Variants in NOL7 observed in about 807,000 individuals in gnomAD.
NOL7 encodes the protein U3 small nucleolar RNA-associated protein NOL7.
Under a neutral mutation model 38.4 loss-of-function variants are expected in NOL7, and 36 were observed. The ratio of observed to expected loss-of-function variants is 0.94; its 90% CI spans 0.72 to 1.24. NOL7 has a LOEUF of 1.24. Ranked by LOEUF, NOL7 falls within the 50% of genes most tolerant of loss-of-function variation. The pLI, the probability that NOL7 is intolerant of heterozygous loss-of-function variation, is 0.00. For missense variants in NOL7, 350 were observed against 315.1 expected, an observed-to-expected ratio of 1.11 and a Z score of -0.84; for synonymous variants, 142 against 126.5, an observed-to-expected ratio of 1.12 and a Z score of -0.82.
downstream of NOL7, among the ~76,000 whole-genome samples, chr6:13,626,423 C>CT (rs560646756): frequency 2.3e-4 from 35 of 152,214 alleles, 1 homozygote; most frequent in Non-Finnish European, 4.1e-4. Flanking sequence ...AGCTCCACCA[C>CT]TAACTGGCTG....
At chr6:13,632,142 T>G in intron 8 of NOL7, among the ~76,000 whole-genome samples, 2 of 77,648 alleles carry the variant, frequency 2.6e-5, no homozygotes, top group African/African-American at 1.3e-4. Context: ...TTTTTTTTTT[T>G]TTTTTTTTTT....
At chr6:13,627,224 C>T (rs1308841942) in intron 8 of NOL7, among the ~76,000 whole-genome samples, 2 of 152,150 alleles carry the variant, frequency 1.3e-5, no homozygotes, top group East Asian at 1.9e-4. Context: ...TTTTATGCAT[C>T]CCACAAAGCT....
At position 13,630,759 on chromosome 6, in the gene NOL7, A is replaced by G. The variant is rs570071814; in HGVS notation, n.574-1634A>G. 3.9e-5 allele frequency among the ~76,000 whole-genome samples: 6 copies of G among 152,306 alleles called. No individual in the cohort carries two copies. The South Asian group carries it at 1.2e-3, about 32-fold the overall frequency. On this transcript the variant is annotated intron_variant and non_coding_transcript_variant, in intron 8 of 8. Transcript: ENST00000474485. ...ACAGACTAAAGGCAGTCTGGTCTGT[A>G]TGCGAATACAGCTCACCTATTAAAC...
intron 5 of NOL7, among the ~76,000 whole-genome samples, chr6:13,618,663 G>T (rs187785698): frequency 1.5e-3 from 230 of 152,302 alleles, no homozygotes; most frequent in Non-Finnish European, 2.4e-3. Context: ...GCTGAAGCAG[G>T]TGGATTGCTT....
chr6:13,619,325 T>TG (rs1368736208), intron 5 of NOL7, among the ~76,000 whole-genome samples: 3 of 152,274 alleles, frequency 2.0e-5, no homozygotes, highest in Non-Finnish European at 2.9e-5. Flanking sequence ...AAGTGCCTAT[T>TG]GCTGTTACTG....
In NOL7 at chr6:13,618,038, A is replaced by C. The variant is rs752808210; in HGVS notation, c.419-20A>C. 7 of 1,344,146 alleles carry C rather than the reference A, an allele frequency of 5.2e-6. No homozygotes were observed. In the South Asian group the frequency reaches 7.3e-5, roughly 14 times the overall value. 83.3% of individuals were successfully genotyped at this position (1,344,146 alleles called of 1,614,324 possible). A position where few individuals can be genotyped will look rare whatever the true frequency, so the allele number is the denominator to read the frequency against. On this transcript the variant is annotated intron_variant, in intron 4 of 7. Transcript: ENST00000451315. Reference sequence around the variant, plus strand: ...ATTTTTACGTGAATGCTAATTAGAAAATGTAACTCTATTTTTTAGTTAATT... The same window carrying C: ...ATTTTTACGTGAATGCTAATTAGAACATGTAACTCTATTTTTTAGTTAATT...
downstream of NOL7, chr6:13,625,662 C>T: frequency 1.9e-6 from 3 of 1,603,778 alleles, no homozygotes; most frequent in South Asian, 3.3e-5. Flanking sequence ...CCTAATATTG[C>T]ACTGTTAAGA....
chr6:13,616,515 A>T lies in NOL7; in HGVS notation c.380A>T (p.Gln127Leu). ...TTGGAGAAGTTAACCACAGCTTCAC[A>T]GACTAAGTAAGTAATGGATCTTTTT... ...TILEKLTTAS[Q>L]TNIKKSPGKV... Residue 127 changes from glutamine (Q) to leucine (L), a missense_variant, in exon 3 of 8, where the codon CAG becomes CTG. By Grantham distance (113) the Gln-to-Leu change is moderately radical. Transcript: ENST00000451315. 1 of 1,602,750 alleles carries T rather than the reference A, an allele frequency of 6.2e-7. No homozygotes were observed. Among genetic ancestry groups the T allele is most frequent in the Non-Finnish European group, 8.5e-7 (1 of 1,172,628 alleles).
At chr6:13,627,221 C>T (rs1366804849) in intron 8 of NOL7, among the ~76,000 whole-genome samples, 3 of 152,152 alleles carry the variant, frequency 2.0e-5, no homozygotes, top group Non-Finnish European at 2.9e-5. Flanking sequence ...ATGTTTTATG[C>T]ATCCCACAAA....
chr6:13,627,747 TA>T (rs1260459860), intron 8 of NOL7, among the ~76,000 whole-genome samples: 1 of 151,722 alleles, frequency 6.6e-6, no homozygotes, highest in African/African-American at 2.4e-5. Context: ...CAGATAAATT[TA>T]AAAAGAAATA....
chr6:13,620,223 C>T lies in NOL7; in HGVS notation c.516C>T (p.Tyr172=). The part of the protein sequence containing the change: ...KVQSVSQNKS[Y]LAVRLKDQDL... ...TGATCAACAGCCAGAATAAAAGCTACTTGGCCGTAAGGCTAAAAGACCAAG... is the reference window on the plus strand; with the variant it reads ...TGATCAACAGCCAGAATAAAAGCTATTTGGCCGTAAGGCTAAAAGACCAAG... The change falls in exon 6 of 8, where the codon TAC becomes TAT. Residue 172 remains tyrosine, a synonymous_variant. Coordinates refer to ENST00000451315, the MANE Select transcript of NOL7 (RefSeq NM_016167.5). 4 of 1,612,832 alleles carry T rather than the reference C, an allele frequency of 2.5e-6. No individual in the cohort carries two copies. The highest frequency in any genetic ancestry group is 2.2e-5 in the East Asian group (1 of 44,868).
downstream of NOL7, chr6:13,625,697 A>G (rs766366100): frequency 6.2e-7 from 1 of 1,613,368 alleles, no homozygotes; most frequent in Non-Finnish European, 8.5e-7. Flanking sequence ...TTCTCTCTGA[A>G]TCGGGTCAAG....
At chr6:13,631,681 AAATGTTTAC>A (rs1479481290) in intron 8 of NOL7, among the ~76,000 whole-genome samples, 3 of 152,224 alleles carry the variant, frequency 2.0e-5, no homozygotes, top group African/African-American at 7.2e-5. Context: ...ATTCAGAAGA[AAATGTTTAC>A]AATGAACCAA....
chr6:13,620,063 C>A, intron 5 of NOL7, 145 bp from the exon 6 acceptor site: 1 of 795,926 alleles, frequency 1.3e-6, no homozygotes, highest in Non-Finnish European at 1.9e-6. Flanking sequence ...CTGAGGCAGG[C>A]AAGTTGCTTG....
chr6:13,618,475 C>T (rs1395565554), intron 5 of NOL7, among the ~76,000 whole-genome samples: 1 of 151,662 alleles, frequency 6.6e-6, no homozygotes, highest in Non-Finnish European at 1.5e-5. Flanking sequence ...TCTCGATCTC[C>T]TGACCTCATG....
At chr6:13,626,600 T>A (rs189940841), downstream of NOL7, among the ~76,000 whole-genome samples, 12 of 152,318 alleles carry the variant, frequency 7.9e-5, no homozygotes, top group African/African-American at 2.9e-4. Context: ...CAAAAGTCAA[T>A]ACCCTAATCC....
downstream of NOL7, among the ~76,000 whole-genome samples, chr6:13,624,756 T>G (rs1404457183): frequency 6.6e-6 from 1 of 152,216 alleles, no homozygotes; most frequent in African/African-American, 2.4e-5. Context: ...TGGCTAAGCC[T>G]CGCCTTTTAA....
Position 13,621,158 on chromosome 6 carries a change from T to TG in NOL7, c.*332dup, listed in dbSNP as rs1764433370. The TG allele has an allele frequency of 5.9e-6, 1 of 168,346 alleles. No homozygotes were observed. Among genetic ancestry groups the TG allele is most frequent in the Admixed American group, 6.1e-5 (1 of 16,508 alleles). The allele number at this position is 168,346 out of a possible 1,614,324, so 10.4% of individuals were successfully genotyped here. A position where few individuals can be genotyped will look rare whatever the true frequency, so the allele number is the denominator to read the frequency against. On this transcript the variant is annotated 3_prime_UTR_variant, in exon 8 of 8. Transcript: ENST00000451315. Reference sequence around the variant, plus strand: ...TGGATATTCCAGCAAAGTCTCTAACTGCAGCCTGTAGACAATTTGCTATTA... The same window carrying TG: ...TGGATATTCCAGCAAAGTCTCTAACTGGCAGCCTGTAGACAATTTGCTATTA...
In NOL7 at chr6:13,618,101, C is replaced by T. The variant is rs778543171; in HGVS notation, c.462C>T (p.Asp154=). 2 of 1,591,210 alleles carry T rather than the reference C, an allele frequency of 1.3e-6. No homozygotes were observed. Among genetic ancestry groups the T allele is most frequent in the East Asian group, 2.2e-5 (1 of 44,762 alleles). ...ATGAAGACTGTGAAAAAGGAAATGACTCCAAGAAAGTTAAAGTACAAAAAG... is the reference window on the plus strand; with the variant it reads ...ATGAAGACTGTGAAAAAGGAAATGATTCCAAGAAAGTTAAAGTACAAAAAG... ...KKNEDCEKGN[D]SKKVKVQKVQ... is the part of the protein sequence containing the mutation. The change falls in exon 5 of 8, where the codon GAC becomes GAT. Residue 154 remains aspartate (D), a synonymous_variant. Coordinates refer to ENST00000451315, the MANE Select transcript of NOL7 (RefSeq NM_016167.5).
Sources: allele counts gnomAD v4.1 joint callset (sites outside exome capture counted in the v4.1 genomes callset), GRCh38; gene constraint gnomAD v4.1.1; transcripts MANE v1.5; gene names NCBI Gene and HGNC (gene_info 2026-07-23, HGNC 2026-07-21).